SPRED2: variants seen among roughly 807,000 people sequenced by gnomAD.
SPRED2 encodes sprouty related EVH1 domain containing 2, also known as sprouty-related, EVH1 domain-containing protein 2.
SPRED2 carries 47 observed loss-of-function variants against 43.0 expected under a neutral mutation model. That is an observed-to-expected ratio of 1.09 (90% CI 0.87 to 1.40). The LOEUF is 1.40. Ranked by LOEUF, SPRED2 falls within the 40% of genes most tolerant of loss-of-function variation. SPRED2 has a pLI of 0.00. For missense variants in SPRED2, 561 were observed against 586.4 expected (o/e 0.96, Z 0.45); for synonymous variants, 225 against 225.7 (o/e 1.00, Z 0.03).
chr2:65,420,989 C>T (rs1306925258), intron 1 of SPRED2, among the ~76,000 whole-genome samples: 3 of 152,156 alleles, frequency 2.0e-5, no homozygotes, highest in African/African-American at 7.2e-5. Flanking sequence ...GTGATTTCTT[C>T]TAGGGCTGAG....
At chr2:65,378,782 A>G (rs948508355) in intron 1 of SPRED2, among the ~76,000 whole-genome samples, 2 of 152,210 alleles carry the variant, frequency 1.3e-5, no homozygotes, top group African/African-American at 4.8e-5. Flanking sequence ...TGGAGGGGTT[A>G]CTTTTGTTGT....
chr2:65,380,605 C>T (rs1675349651), intron 1 of SPRED2: 1 of 152,176 alleles, frequency 6.6e-6, no homozygotes, highest in Admixed American at 6.5e-5. Flanking sequence ...AAAAATCTAC[C>T]TTTACAAGAT....
chr2:65,316,241 C>A (rs1673227939), intron 5 of SPRED2, among the ~76,000 whole-genome samples: 1 of 152,210 alleles, frequency 6.6e-6, no homozygotes, highest in Non-Finnish European at 1.5e-5. Flanking sequence ...TCCGCCTGAG[C>A]AAGACTGGGC....
chr2:65,316,918 AAAC>A (rs770838823), intron 4 of SPRED2, 35 bp from the exon 5 acceptor site: 124 of 1,608,488 alleles, frequency 7.7e-5, no homozygotes, highest in Non-Finnish European at 1.0e-4. Context: ...GTCAATTTAA[AAAC>A]AACAACAAAA....
At chr2:65,361,706 A>T (rs2104315838) in intron 1 of SPRED2, among the ~76,000 whole-genome samples, 1 of 152,358 alleles carries the variant, frequency 6.6e-6, no homozygotes, top group East Asian at 1.9e-4. Context: ...AGCAGGGAAA[A>T]AGGGGCTGTT....
chr2:65,399,422 G>T (rs79717897), intron 1 of SPRED2, among the ~76,000 whole-genome samples: 37,131 of 130,920 alleles, frequency 0.28, 6,279 homozygotes, highest in East Asian at 0.7. Context: ...TCTCTCTGTC[G>T]CCCAGGCTGG....
At chr2:65,375,051 C>T (rs1675209123) in intron 1 of SPRED2, among the ~76,000 whole-genome samples, 1 of 152,200 alleles carries the variant, frequency 6.6e-6, no homozygotes, top group East Asian at 1.9e-4. Flanking sequence ...TCCAATTGAA[C>T]AACGCACACT....
At chr2:65,342,435 T>C (rs1383383491) in intron 2 of SPRED2, among the ~76,000 whole-genome samples, 1 of 149,096 alleles carries the variant, frequency 6.7e-6, no homozygotes, top group Admixed American at 6.7e-5. Context: ...TATATGTATG[T>C]ATATTTTGTA....
intron 1 of SPRED2, among the ~76,000 whole-genome samples, chr2:65,376,643 C>T (rs538180666): frequency 1.4e-4 from 22 of 152,248 alleles, no homozygotes; most frequent in Non-Finnish European, 4.4e-5. Context: ...CTCTCCCAAA[C>T]TCATCTCACA....
At chr2:65,308,072 G>A (rs534868812), downstream of SPRED2, among the ~76,000 whole-genome samples, 1 of 152,276 alleles carries the variant, frequency 6.6e-6, no homozygotes, top group Admixed American at 6.5e-5. Flanking sequence ...TTTTCCCCTG[G>A]GAAGTGTCCT....
At position 65,344,637 on chromosome 2, in the gene SPRED2, C is replaced by T. The variant is rs550258223; in HGVS notation, c.204+82G>A. ...AGTCAGAGAAAGAAAGAAAAAAATA[C>T]GTTAAGGAAAGAGGACTATGATTTA... is the stretch of plus-strand genomic sequence containing the variant. On this transcript the variant is annotated intron_variant, in intron 2 of 5. Transcript: ENST00000356388. 97 of 1,533,242 alleles carry T rather than the reference C, an allele frequency of 6.3e-5. No homozygotes were observed. The African/African-American group carries it at 8.0e-4, about 13-fold the overall frequency. 95.0% of individuals were successfully genotyped at this position (1,533,242 alleles called of 1,614,324 possible). A position where few individuals can be genotyped will look rare whatever the true frequency, so the allele number is the denominator to read the frequency against.
At chr2:65,381,684 A>C (rs191656882) in intron 1 of SPRED2, among the ~76,000 whole-genome samples, 2 of 152,358 alleles carry the variant, frequency 1.3e-5, no homozygotes, top group East Asian at 3.9e-4. Context: ...GCCTCGGTGC[A>C]GGGCCGCTCC....
intron 1 of SPRED2, among the ~76,000 whole-genome samples, chr2:65,405,467 G>A (rs1400959240): frequency 2.0e-5 from 3 of 152,154 alleles, no homozygotes; most frequent in South Asian, 2.1e-4. Context: ...TAGCTAACAT[G>A]TTTAAGGCTG....
Position 65,322,292 on chromosome 2 carries a change from A to ATTTTTT in SPRED2, c.439-5410_439-5409insAAAAAA, listed in dbSNP as rs1490204181. Among the ~76,000 whole-genome samples, 24 of 70,796 alleles carry ATTTTTT rather than the reference A, an allele frequency of 3.4e-4. 1 individual carries two copies. The highest frequency in any genetic ancestry group is 1.3e-3 in the African/African-American group (18 of 13,902). The allele number at this position is 70,796 out of a possible 152,430, so 46.4% of individuals were successfully genotyped here. A position where few individuals can be genotyped will look rare whatever the true frequency, so the allele number is the denominator to read the frequency against. The stretch of plus-strand genomic sequence containing the variant: ...TCTCTATATATATATATATATATAT[A>ATTTTTT]TATTTTTTTTTTTTTTTTTGAGACG... On this transcript the variant is annotated intron_variant, in intron 4 of 5. Coordinates refer to ENST00000356388, the MANE Select transcript of SPRED2 (RefSeq NM_181784.3).
intron 2 of SPRED2, among the ~76,000 whole-genome samples, chr2:65,343,917 T>G (rs1017954808): frequency 2.0e-5 from 3 of 151,850 alleles, no homozygotes; most frequent in African/African-American, 7.3e-5. Context: ...GAGGCCGAGG[T>G]GGGTGGATCA....
At chr2:65,319,575 C>T (rs1002488284) in intron 4 of SPRED2, among the ~76,000 whole-genome samples, 1 of 152,198 alleles carries the variant, frequency 6.6e-6, no homozygotes, top group African/African-American at 2.4e-5. Flanking sequence ...CTTGGGTGCA[C>T]TTTCCCTTCA....
chr2:65,408,339 T>G (rs1275106447), intron 1 of SPRED2, among the ~76,000 whole-genome samples: 1 of 152,160 alleles, frequency 6.6e-6, no homozygotes, highest in Non-Finnish European at 1.5e-5. Context: ...AAGCTAAAGT[T>G]TGGGAAGATA....
At chr2:65,341,684 T>A (rs916830327) in intron 2 of SPRED2, among the ~76,000 whole-genome samples, 7 of 152,238 alleles carry the variant, frequency 4.6e-5, no homozygotes, top group African/African-American at 7.2e-5. Context: ...GTTATTTACT[T>A]AAAGGACCTG....
At chr2:65,308,180 C>T (rs1021050740), downstream of SPRED2, 3 of 466,326 alleles carry the variant, frequency 6.4e-6, no homozygotes, top group Non-Finnish European at 8.4e-6. Context: ...TTGCAGGAGG[C>T]GACCCCAAAG....
Sources: allele counts gnomAD v4.1 joint callset (sites outside exome capture counted in the v4.1 genomes callset), GRCh38; gene constraint gnomAD v4.1.1; transcripts MANE v1.5; gene names NCBI Gene and HGNC (gene_info 2026-07-23, HGNC 2026-07-21).